The following HS3ST5 variants were observed in gnomAD, a reference collection of about 807,000 sequenced individuals.
The protein encoded by HS3ST5 is heparan sulfate glucosamine 3-O-sulfotransferase 5.
HS3ST5 carries 10 observed loss-of-function variants against 25.4 expected under a neutral mutation model. The ratio of observed to expected loss-of-function variants is 0.39; its 90% CI spans 0.24 to 0.67. The LOEUF (loss-of-function observed/expected upper bound fraction) is 0.67. Among genes scored for constraint, HS3ST5 ranks in the 30% least tolerant of loss-of-function variants. The pLI is 0.44. For missense variants in HS3ST5, 324 were observed against 420.7 expected (o/e 0.77, Z 2.01); for synonymous variants, 170 against 162.4 (o/e 1.05, Z -0.36).
intron 3 of HS3ST5, chr6:114,132,401 T>C (rs1777381377): frequency 6.6e-6 from 1 of 152,222 alleles, no homozygotes; most frequent in African/African-American, 2.4e-5. Context: ...GCCATATAAA[T>C]GTTGGGAATG....
intron 2 of HS3ST5, among the ~76,000 whole-genome samples, chr6:114,223,907 T>G (rs1463526248): frequency 6.6e-6 from 1 of 151,586 alleles, no homozygotes; most frequent in African/African-American, 2.4e-5. Context: ...AAAAAATGGG[T>G]TATTTCTATT....
chr6:114,251,122 G>A (rs1212041998), intron 1 of HS3ST5, among the ~76,000 whole-genome samples: 1 of 152,132 alleles, frequency 6.6e-6, no homozygotes, highest in Non-Finnish European at 1.5e-5. Context: ...AGAAATAGGG[G>A]TAAATTCTTG....
At chr6:114,102,225 C>A (rs574303992) in intron 3 of HS3ST5, among the ~76,000 whole-genome samples, 62 of 152,314 alleles carry the variant, frequency 4.1e-4, no homozygotes, top group African/African-American at 1.5e-3. Context: ...TGTGTATTAA[C>A]TGCAGAGTTG....
intron 2 of HS3ST5, among the ~76,000 whole-genome samples, chr6:114,175,327 G>T (rs1014061895): frequency 2.0e-5 from 3 of 152,142 alleles, no homozygotes; most frequent in African/African-American, 7.2e-5. Context: ...ATATAATAAA[G>T]AACTGGAATA....
At chr6:114,214,765 A>G (rs990668414) in intron 2 of HS3ST5, among the ~76,000 whole-genome samples, 1 of 152,334 alleles carries the variant, frequency 6.6e-6, no homozygotes, top group African/African-American at 2.4e-5. Context: ...TCTAGGCCCC[A>G]GAACAAGAAT....
At position 114,267,423 on chromosome 6, in the gene HS3ST5, T is replaced by G. The variant is rs138895181; in HGVS notation, c.-338-38645A>C. ...GCTTAGCACCTACCACTTCCCACCA[T>G]TATGCAGGATGTTAAGAATAGGGTG... On this transcript the variant is annotated intron_variant, in intron 1 of 4. Transcript: ENST00000312719. 9.9e-5 allele frequency among the ~76,000 whole-genome samples: 15 copies of G among 152,218 alleles called. No homozygotes were observed. In the East Asian group the frequency reaches 2.7e-3, roughly 28 times the overall value.
At chr6:114,339,707 C>T (rs927483757) in intron 1 of HS3ST5, among the ~76,000 whole-genome samples, 8 of 152,158 alleles carry the variant, frequency 5.3e-5, no homozygotes, top group Admixed American at 2.6e-4. Context: ...AGTTATATTA[C>T]TCTAAAGTAT....
At chr6:114,250,751 T>G (rs1269413378) in intron 1 of HS3ST5, among the ~76,000 whole-genome samples, 12 of 152,210 alleles carry the variant, frequency 7.9e-5, no homozygotes, top group Admixed American at 7.9e-4. Context: ...TATAACTGTA[T>G]TCCAGATAAA....
chr6:114,225,080 AG>A (rs1782229851), intron 2 of HS3ST5, among the ~76,000 whole-genome samples: 2 of 151,884 alleles, frequency 1.3e-5, no homozygotes, highest in South Asian at 4.1e-4. Flanking sequence ...TGGTACCATA[AG>A]GGATGGTGAA....
chr6:114,161,521 T>A (rs1255265154), intron 3 of HS3ST5, among the ~76,000 whole-genome samples: 36 of 33,530 alleles, frequency 1.1e-3, no homozygotes, highest in African/African-American at 1.6e-3. Flanking sequence ...TCCTGAAGTT[T>A]TATATATATA....
intron 1 of HS3ST5, among the ~76,000 whole-genome samples, chr6:114,294,408 TA>T (rs1774720562): frequency 6.6e-6 from 1 of 150,876 alleles, no homozygotes; most frequent in Non-Finnish European, 1.5e-5. Flanking sequence ...CTTGAACTCC[TA>T]AAATTAATAT....
intron 2 of HS3ST5, among the ~76,000 whole-genome samples, chr6:114,205,154 C>A (rs143115035): frequency 2.6e-5 from 4 of 152,118 alleles, no homozygotes; most frequent in Non-Finnish European, 5.9e-5. Context: ...AGATCCCACA[C>A]GTTAAGGGCT....
At chr6:114,122,842 T>C (rs1776858836) in intron 3 of HS3ST5, among the ~76,000 whole-genome samples, 1 of 152,268 alleles carries the variant, frequency 6.6e-6, no homozygotes, top group South Asian at 2.1e-4. Flanking sequence ...TTTGATACTC[T>C]GAACTTCCAA....
intron 2 of HS3ST5, among the ~76,000 whole-genome samples, chr6:114,205,898 A>G (rs769789289): frequency 2.2e-4 from 34 of 152,042 alleles, no homozygotes; most frequent in Non-Finnish European, 4.6e-4. Flanking sequence ...TCAGGAGGTA[A>G]TGTTCACTTT....
intron 2 of HS3ST5, among the ~76,000 whole-genome samples, chr6:114,179,866 G>A (rs1347675850): frequency 5.9e-5 from 9 of 152,190 alleles, no homozygotes; most frequent in Admixed American, 4.6e-4. Context: ...CTGAAGGCCG[G>A]AGAGCCCCTA....
intron 3 of HS3ST5, among the ~76,000 whole-genome samples, chr6:114,155,087 G>C (rs967551341): frequency 1.3e-5 from 2 of 152,200 alleles, no homozygotes; most frequent in African/African-American, 4.8e-5. Context: ...GGAGGTGCTT[G>C]AGACGTATTT....
Position 114,258,480 on chromosome 6 carries a change from G to T in HS3ST5, c.-338-29702C>A, listed in dbSNP as rs149450654. ...GGGCCAGCCCAATGCTGTGCAACAC[G>T]TTTGGGGTAGGAGTGAGACCCAAGG... On this transcript the variant is annotated intron_variant, in intron 1 of 4. Coordinates refer to ENST00000312719, the MANE Select transcript of HS3ST5 (RefSeq NM_153612.4). 3.9e-5 allele frequency among the ~76,000 whole-genome samples: 6 copies of T among 152,304 alleles called. No individual in the cohort carries two copies. The East Asian group carries it at 9.7e-4, about 25-fold the overall frequency.
intron 1 of HS3ST5, among the ~76,000 whole-genome samples, chr6:114,341,585 C>G (rs1167995524): frequency 7.4e-6 from 1 of 136,028 alleles, no homozygotes. Context: ...CGACTGCATC[C>G]ATCCCGCGCG....
intron 2 of HS3ST5, among the ~76,000 whole-genome samples, chr6:114,200,902 C>G (rs763088851): frequency 6.6e-6 from 1 of 152,182 alleles, no homozygotes; most frequent in African/African-American, 2.4e-5. Context: ...CTCAAGGATG[C>G]TCCATAACCA....
Sources: gnomAD v4.1 joint callset for allele counts (sites outside exome capture counted in the v4.1 genomes callset) on GRCh38, gnomAD v4.1.1 for gene constraint, MANE v1.5 for transcripts, NCBI Gene and HGNC (gene_info 2026-07-23, HGNC 2026-07-21) for gene names.